The following SYT14 variants were observed in gnomAD, a reference collection of about 807,000 sequenced individuals.
SYT14 encodes synaptotagmin 14, also known as synaptotagmin-14.
In SYT14, 32 loss-of-function variants were observed where a neutral mutation model predicts 74.2. The ratio of observed to expected loss-of-function variants is 0.43; its 90% CI spans 0.33 to 0.58. SYT14 has a LOEUF of 0.58. SYT14 is among the 20% of genes least tolerant of loss of function. The probability of loss-of-function intolerance (pLI) is 0.05; values close to 1 mark genes in which losing one functional copy is unlikely to be tolerated. For synonymous variants in SYT14, 298 were observed against 337.7 expected, an observed-to-expected ratio of 0.88 and a Z score of 1.29; for missense variants, 791 against 981.8, an observed-to-expected ratio of 0.81 and a Z score of 2.60.
chr1:210,005,313 G>T (rs227213), intron 2 of SYT14, among the ~76,000 whole-genome samples: 133,784 of 151,868 alleles, frequency 0.88, 59,291 homozygotes, highest in African/African-American at 0.97. Context: ...GAAACTGCTT[G>T]GTATTTATCA....
At chr1:210,127,465 C>G (rs917942551) in intron 7 of SYT14, among the ~76,000 whole-genome samples, 1 of 152,054 alleles carries the variant, frequency 6.6e-6, no homozygotes, top group Non-Finnish European at 1.5e-5. Context: ...TGGCATCTGC[C>G]AGAAAGACTA....
At chr1:210,161,675 A>G (rs1357681949) in exon 10 of SYT14, 10 of 453,652 alleles carry the variant, frequency 2.2e-5, no homozygotes, top group Non-Finnish European at 4.4e-5. Flanking sequence ...AATTTTTTTA[A>G]TATGTTATTT....
At chr1:210,060,304 G>C (rs1194918449) in intron 5 of SYT14, among the ~76,000 whole-genome samples, 1 of 152,072 alleles carries the variant, frequency 6.6e-6, no homozygotes, top group Non-Finnish European at 1.5e-5. Context: ...CACATTTTGA[G>C]TTCCTATGTT....
chr1:210,021,019 C>T lies in SYT14; in HGVS notation c.1097-20C>T, dbSNP rs957279650. 1.9e-6 allele frequency: 3 copies of T among 1,610,010 alleles called. No individual in the cohort carries two copies. Among genetic ancestry groups the T allele is most frequent in the Non-Finnish European group, 2.5e-6 (3 of 1,176,684 alleles). ...ATTTTTTTTTCAATTACCGTTTGTT[C>T]TTCATGTCATTCCAAATAGATAATT... On this transcript the variant is annotated intron_variant, in intron 4 of 9. Coordinates refer to ENST00000637265, the Ensembl canonical transcript of SYT14.
intron 1 of SYT14, among the ~76,000 whole-genome samples, chr1:209,940,532 T>C (rs898598278): frequency 3.3e-5 from 5 of 152,308 alleles, no homozygotes; most frequent in Admixed American, 2.0e-4. Flanking sequence ...TGCTAAGAGA[T>C]GGATCATCTT....
chr1:209,946,550 A>G (rs1259500507), intron 1 of SYT14, among the ~76,000 whole-genome samples: 1 of 152,232 alleles, frequency 6.6e-6, no homozygotes, highest in Non-Finnish European at 1.5e-5. Flanking sequence ...AATTCTGTGA[A>G]TGCTGAGAGA....
intron 7 of SYT14, among the ~76,000 whole-genome samples, chr1:210,150,013 C>G (rs947222728): frequency 3.3e-5 from 5 of 152,166 alleles, no homozygotes; most frequent in African/African-American, 1.2e-4. Flanking sequence ...GGTTGGGAGA[C>G]TAACCTGCCC....
At chr1:210,157,674 G>A (rs1460608901) in intron 8 of SYT14, among the ~76,000 whole-genome samples, 2 of 151,494 alleles carry the variant, frequency 1.3e-5, no homozygotes, top group African/African-American at 4.9e-5. Context: ...CCCAGGTGGC[G>A]GAGGTTGCAG....
intron 5 of SYT14, among the ~76,000 whole-genome samples, chr1:210,075,535 A>G (rs1459810966): frequency 1.3e-5 from 2 of 151,834 alleles, no homozygotes; most frequent in Non-Finnish European, 2.9e-5. Flanking sequence ...GGGTTTCACC[A>G]TGTTGGCCAG....
exon 10 of SYT14, chr1:210,160,946 C>G (rs1400368250): frequency 6.2e-7 from 1 of 1,613,976 alleles, no homozygotes. Flanking sequence ...CTTTAGGTCT[C>G]AACAGCTCTG....
chr1:209,977,044 TTTTCCATTTGC>T lies in SYT14; in HGVS notation c.-486+24291_-486+24301del, dbSNP rs1009334021. Among the ~76,000 whole-genome samples, 219 of 152,302 alleles carry T rather than the reference TTTTCCATTTGC, an allele frequency of 1.4e-3. 1 individual carries two copies. Among genetic ancestry groups the T allele is most frequent in the African/African-American group, 5.0e-3 (208 of 41,578 alleles). On this transcript the variant is annotated intron_variant, in intron 2 of 9. Coordinates refer to ENST00000637265, the Ensembl canonical transcript of SYT14. ...GTTTGCAACCCCTGCCTTTTTTTTG[TTTTCCATTTGC>T]TTGGTGGATCTTCCTCCATCCCTTT...
rs568357727 is a variant in SYT14, at chr1:210,107,135, T to C, written c.2034+6674T>C. ...TTTGACTCCATGTCTGACATCCAGGTCATGCTGATGCAAGAGATGGGCTCC... is the reference window on the plus strand; with the variant it reads ...TTTGACTCCATGTCTGACATCCAGGCCATGCTGATGCAAGAGATGGGCTCC... On this transcript the variant is annotated intron_variant, in intron 7 of 9. Transcript: ENST00000637265. Among the ~76,000 whole-genome samples the C allele has an allele frequency of 3.3e-5, 5 of 152,352 alleles. No homozygotes were observed. The East Asian group carries it at 9.6e-4, about 29-fold the overall frequency.
intron 6 of SYT14, among the ~76,000 whole-genome samples, chr1:210,097,393 C>T (rs2081986312): frequency 6.6e-6 from 1 of 151,918 alleles, no homozygotes; most frequent in Admixed American, 6.6e-5. Context: ...TAAAACTGGT[C>T]CCATACCTTG....
chr1:210,021,230 A>C (rs751751090), exon 5 of SYT14: 5 of 1,613,892 alleles, frequency 3.1e-6, no homozygotes, highest in Admixed American at 3.3e-5. Context: ...TGATGGATAC[A>C]GTAGTGAAGC....
chr1:209,986,031 G>C (rs1293990149), intron 2 of SYT14, among the ~76,000 whole-genome samples: 1 of 152,194 alleles, frequency 6.6e-6, no homozygotes, highest in Non-Finnish European at 1.5e-5. Flanking sequence ...GAAGGTCTCT[G>C]AGACCTTTCT....
At chr1:210,101,690 G>A (rs952225494) in intron 7 of SYT14, among the ~76,000 whole-genome samples, 3 of 144,492 alleles carry the variant, frequency 2.1e-5, no homozygotes, top group East Asian at 2.0e-4. Context: ...GCAATATTTC[G>A]GAGGGGGGAA....
At chr1:210,024,666 C>G (rs1010505146) in intron 5 of SYT14, among the ~76,000 whole-genome samples, 1 of 151,992 alleles carries the variant, frequency 6.6e-6, no homozygotes, top group Admixed American at 6.6e-5. Context: ...GTTTTCAGAT[C>G]GTATATGCTT....
exon 6 of SYT14, chr1:210,094,324 A>C (rs2081929930): frequency 6.2e-7 from 1 of 1,613,778 alleles, no homozygotes; most frequent in Admixed American, 1.7e-5. Flanking sequence ...ATTATCAGGA[A>C]ACTGCATTCA....
exon 10 of SYT14, chr1:210,164,851 C>T (rs4421592): frequency 5.9e-5 from 9 of 151,920 alleles, no homozygotes. Context: ...TCCTCAGTTC[C>T]TCTGTGGCCT....
Sources: gnomAD v4.1 joint callset for allele counts (sites outside exome capture counted in the v4.1 genomes callset) on GRCh38, gnomAD v4.1.1 for gene constraint, MANE v1.5 for transcripts, NCBI Gene and HGNC (gene_info 2026-07-23, HGNC 2026-07-21) for gene names.